Variants in TMEM232 observed in about 807,000 individuals in gnomAD.
The protein encoded by TMEM232 is transmembrane protein 232.
Under a neutral mutation model 78.8 loss-of-function variants are expected in TMEM232, and 80 were observed. The ratio of observed to expected loss-of-function variants is 1.01; its 90% CI spans 0.85 to 1.22. The LOEUF is 1.22. Among genes scored for constraint, TMEM232 ranks in the 50% most tolerant of loss-of-function variants. The probability of loss-of-function intolerance (pLI) is 0.00; values close to 1 mark genes in which losing one functional copy is unlikely to be tolerated. For synonymous variants in TMEM232, 297 were observed against 254.3 expected, an observed-to-expected ratio of 1.17 and a Z score of -1.60; for missense variants, 881 against 742.2, an observed-to-expected ratio of 1.19 and a Z score of -2.17.
intron 12 of TMEM232, among the ~76,000 whole-genome samples, chr5:110,467,967 C>T (rs2149368169): frequency 6.6e-6 from 1 of 151,848 alleles, no homozygotes; most frequent in South Asian, 2.1e-4. Flanking sequence ...ACATGACATT[C>T]TTCCTGTGTG....
At chr5:110,497,889 T>A (rs1261022882) in intron 12 of TMEM232, among the ~76,000 whole-genome samples, 1 of 152,160 alleles carries the variant, frequency 6.6e-6, no homozygotes, top group Non-Finnish European at 1.5e-5. Context: ...AATATTTTAC[T>A]TCATCTTTTG....
In TMEM232 at chr5:110,426,460, G is replaced by T. The variant is rs142633998; in HGVS notation, c.1704-1544C>A. Among the ~76,000 whole-genome samples, 243 of 152,108 alleles carry T rather than the reference G, an allele frequency of 1.6e-3. 1 individual carries two copies. The highest frequency in any genetic ancestry group is 5.3e-3 in the African/African-American group (220 of 41,518). On this transcript the variant is annotated intron_variant, in intron 12 of 13. Transcript: ENST00000455884. ...AACTATGATATGCTTTAATACTCTT[G>T]ATTTTCCAAGCCATCAGTAAGAGTC...
chr5:110,689,108 A>G (rs1408478988), intron 1 of TMEM232, among the ~76,000 whole-genome samples: 1 of 152,156 alleles, frequency 6.6e-6, no homozygotes, highest in African/African-American at 2.4e-5. Flanking sequence ...AGAGAAAGGC[A>G]TAGACCTGTA....
chr5:110,674,664 G>A (rs1432441749), intron 1 of TMEM232, among the ~76,000 whole-genome samples: 1 of 152,096 alleles, frequency 6.6e-6, no homozygotes, highest in Non-Finnish European at 1.5e-5. Flanking sequence ...ATATTGCTAA[G>A]ACTAAAAAGA....
chr5:110,423,780 CGTGTGTGTGTGTGTGTGTGT>C (rs146104536), intron 13 of TMEM232, among the ~76,000 whole-genome samples: 1 of 142,390 alleles, frequency 7.0e-6, no homozygotes, highest in Admixed American at 7.0e-5. Context: ...TTTATGCGTG[CGTGTGTGTGTGTGTGTGTGT>C]GTGTGTGTGT....
At chr5:110,697,880 G>A (rs956705840) in intron 1 of TMEM232, among the ~76,000 whole-genome samples, 9 of 152,134 alleles carry the variant, frequency 5.9e-5, no homozygotes, top group African/African-American at 1.7e-4. Context: ...TCAGTGTGGC[G>A]ATTCCTCAAG....
intron 2 of TMEM232, among the ~76,000 whole-genome samples, chr5:110,731,958 T>G (rs577858872): frequency 6.6e-6 from 1 of 152,346 alleles, no homozygotes; most frequent in Admixed American, 6.5e-5. Context: ...CTTTTAAAAT[T>G]GAATGCTTTT....
chr5:110,598,574 C>T (rs113891280), intron 10 of TMEM232, among the ~76,000 whole-genome samples: 30 of 151,908 alleles, frequency 2.0e-4, no homozygotes, highest in East Asian at 5.8e-4. Flanking sequence ...ATGTTTATTG[C>T]GGCACTATTC....
intron 2 of TMEM232, among the ~76,000 whole-genome samples, chr5:110,407,026 T>C (rs1236970250): frequency 6.6e-6 from 1 of 151,990 alleles, no homozygotes; most frequent in East Asian, 1.9e-4. Flanking sequence ...ATTTAAAACA[T>C]ACTATCAGAG....
At chr5:110,649,271 T>C (rs1272554314) in intron 2 of TMEM232, among the ~76,000 whole-genome samples, 1 of 152,120 alleles carries the variant, frequency 6.6e-6, no homozygotes, top group Admixed American at 6.6e-5. Context: ...AATTGGTTTA[T>C]ATGTTGATGA....
chr5:110,710,643 C>T (rs138460398), intron 1 of TMEM232, among the ~76,000 whole-genome samples: 3,644 of 152,076 alleles, frequency 0.024, 49 homozygotes, highest in African/African-American at 0.033. Context: ...AGGACAAAAA[C>T]GATACAATTA....
intron 12 of TMEM232, among the ~76,000 whole-genome samples, chr5:110,472,379 T>C (rs2149377612): frequency 6.6e-6 from 1 of 152,026 alleles, no homozygotes; most frequent in South Asian, 2.1e-4. Context: ...AAAACACTGA[T>C]TATAAAAATT....
chr5:110,731,312 T>C (rs527783861), upstream of TMEM232, among the ~76,000 whole-genome samples: 30 of 152,334 alleles, frequency 2.0e-4, no homozygotes, highest in South Asian at 3.7e-3. Context: ...TTGGTGGACC[T>C]AACATTCTGG....
At position 110,671,660 on chromosome 5, in the gene TMEM232, T is replaced by G. The variant is rs545605752; in HGVS notation, c.-12-4296A>C. Among the ~76,000 whole-genome samples the G allele has an allele frequency of 9.9e-5, 15 of 152,086 alleles. 1 individual carries two copies. The South Asian group carries it at 2.9e-3, about 29-fold the overall frequency. ...ACTAACACAGGAACAGAACCAAACA[T>G]TGCGTATTCTCACTCATAAGTGGGA... On this transcript the variant is annotated intron_variant, in intron 1 of 13. Coordinates refer to ENST00000455884, the MANE Select transcript of TMEM232 (RefSeq NM_001039763.4).
chr5:110,418,666 G>C (rs1210641504), downstream of TMEM232, among the ~76,000 whole-genome samples: 2 of 152,106 alleles, frequency 1.3e-5, no homozygotes, highest in Non-Finnish European at 2.9e-5. Flanking sequence ...TAGCATGTTG[G>C]AAGTATTAAG....
rs1417648940 is a variant in TMEM232, at chr5:110,568,503, T to A, written c.1399A>T (p.Lys467Ter). Residue 467 changes from lysine (K) to a stop codon, truncating the protein, a stop_gained, in exon 11 of 14, where the codon AAA (lysine) becomes TAA (stop). Transcript: ENST00000455884. LOFTEE classifies it high-confidence loss of function. ...ACATCTTCCTCATAATCCTTTGTTT[T>A]CTGCAATGTTTGCCATATCATGTTT... ...LRNMIWQTLQ[K>*]TKDYEEDVRI... 1 of 1,549,274 alleles carries A rather than the reference T, an allele frequency of 6.5e-7. No homozygotes were observed. The highest frequency in any genetic ancestry group is 8.7e-7 in the Non-Finnish European group (1 of 1,145,608).
At chr5:110,608,019 A>G (rs945565606) in intron 8 of TMEM232, among the ~76,000 whole-genome samples, 14 of 151,890 alleles carry the variant, frequency 9.2e-5, no homozygotes, top group African/African-American at 3.4e-4. Flanking sequence ...TGGTTATGCA[A>G]TTGTAGTCAG....
At chr5:110,736,925 T>C (rs1489888588) in intron 1 of TMEM232, among the ~76,000 whole-genome samples, 1 of 151,274 alleles carries the variant, frequency 6.6e-6, no homozygotes, top group African/African-American at 2.4e-5. Context: ...CTCCCACATA[T>C]TCACAAATGG....
chr5:110,528,256 G>A (rs188158521), intron 12 of TMEM232, among the ~76,000 whole-genome samples: 2 of 151,766 alleles, frequency 1.3e-5, no homozygotes, highest in East Asian at 3.9e-4. Flanking sequence ...TATCAAATAT[G>A]TATATATATG....
Sources: allele counts gnomAD v4.1 joint callset (sites outside exome capture counted in the v4.1 genomes callset), GRCh38; gene constraint gnomAD v4.1.1; transcripts MANE v1.5; gene names NCBI Gene and HGNC (gene_info 2026-07-23, HGNC 2026-07-21).